ADCY1: variants seen among roughly 807,000 people sequenced by gnomAD.
ADCY1 encodes adenylate cyclase type 1.
ADCY1 carries 28 observed loss-of-function variants against 105.4 expected under a neutral mutation model. That is an observed-to-expected ratio of 0.27 (90% CI 0.20 to 0.36). The LOEUF (loss-of-function observed/expected upper bound fraction) is 0.36. Ranked by LOEUF, ADCY1 falls within the 10% of genes least tolerant of loss-of-function variation. The pLI is 1.00. For missense variants in ADCY1, 977 were observed against 1,434.2 expected (o/e 0.68, Z 5.15); for synonymous variants, 655 against 623.8 (o/e 1.05, Z -0.75).
At chr7:45,679,687 T>A (rs1289415657) in intron 10 of ADCY1, 22 bp from the exon 11 acceptor site, 1 of 1,613,816 alleles carries the variant, frequency 6.2e-7, no homozygotes, top group Non-Finnish European at 8.5e-7. Flanking sequence ...TATCAGTGAC[T>A]CTCATGTTTT....
At chr7:45,654,424 C>A (rs1472191375) in intron 5 of ADCY1, among the ~76,000 whole-genome samples, 1 of 152,204 alleles carries the variant, frequency 6.6e-6, no homozygotes, top group Non-Finnish European at 1.5e-5. Flanking sequence ...ATGTGCTTTT[C>A]CTCCCTGACC....
intron 2 of ADCY1, among the ~76,000 whole-genome samples, chr7:45,598,602 C>A (rs1793137204): frequency 6.6e-6 from 1 of 151,918 alleles, no homozygotes; most frequent in Non-Finnish European, 1.5e-5. Flanking sequence ...GACAAAATGG[C>A]CAAATTTCCA....
At chr7:45,623,484 T>C (rs1485721292) in intron 4 of ADCY1, among the ~76,000 whole-genome samples, 2 of 152,156 alleles carry the variant, frequency 1.3e-5, no homozygotes, top group African/African-American at 4.8e-5. Flanking sequence ...CAGAATGTGC[T>C]GTGTTTAGAG....
At chr7:45,698,287 C>G (rs1437735142) in intron 14 of ADCY1, among the ~76,000 whole-genome samples, 2 of 152,192 alleles carry the variant, frequency 1.3e-5, no homozygotes, top group African/African-American at 4.8e-5. Flanking sequence ...CTTATTCTCT[C>G]ATTTTCTAAT....
chr7:45,627,522 G>A (rs1461534217), intron 4 of ADCY1, among the ~76,000 whole-genome samples: 5 of 152,162 alleles, frequency 3.3e-5, no homozygotes, highest in African/African-American at 4.8e-5. Flanking sequence ...GGCTATCCCC[G>A]CCTGTTTAAG....
intron 4 of ADCY1, among the ~76,000 whole-genome samples, chr7:45,626,167 C>G (rs762281376): frequency 3.3e-5 from 5 of 152,200 alleles, no homozygotes; most frequent in African/African-American, 9.7e-5. Context: ...CAACTCTGCT[C>G]TTGGAGCACA....
Position 45,708,921 on chromosome 7 carries a change from T to C in ADCY1, c.2932+457T>C, listed in dbSNP as rs2248284. On this transcript the variant is annotated intron_variant, in intron 18 of 19. Coordinates refer to ENST00000297323, the MANE Select transcript of ADCY1 (RefSeq NM_021116.4). This position sits in a 1 kb window ranked among gnomAD's most constrained non-coding sequence, Gnocchi z 4.7. Reference sequence around the variant, plus strand: ...CCTGTGTCGTGAGGAGGAAAAACCATTGGATGCCCCAGTTCCTTTCTAGCT... The same window carrying C: ...CCTGTGTCGTGAGGAGGAAAAACCACTGGATGCCCCAGTTCCTTTCTAGCT... Among the ~76,000 whole-genome samples, 55,992 of 152,010 alleles carry C rather than the reference T, an allele frequency of 0.37. 12,037 individuals carry two copies. Among genetic ancestry groups the C allele is most frequent in the South Asian group, 0.64 (3,078 of 4,810 alleles).
At chr7:45,633,533 G>A (rs1177925169) in intron 4 of ADCY1, among the ~76,000 whole-genome samples, 1 of 152,168 alleles carries the variant, frequency 6.6e-6, no homozygotes, top group African/African-American at 2.4e-5. Context: ...GCCCGGCACG[G>A]TGGCTCATGC....
rs1173497805 is a variant in ADCY1 at position 45,574,854 on chromosome 7, C to T, written c.311C>T (p.Ala104Val). 2.5e-6 allele frequency: 4 copies of T among 1,611,418 alleles called. No individual in the cohort carries two copies. The highest frequency in any genetic ancestry group is 1.1e-5 in the South Asian group (1 of 91,054). The stretch of plus-strand genomic sequence containing the variant: ...CCGGTGCACTGCGTCCTCTTCCTGG[C>T]GCTGCTCGTGGTAACCAACGTCCGG... The part of the protein sequence containing the change: ...SHPVHCVLFL[A>V]LLVVTNVRSL... The change falls in exon 1 of 20, where the codon GCG becomes GTG. Residue 104 changes from alanine to valine, a missense_variant. Physicochemically the swap from Ala to Val is moderately conservative, Grantham distance 64. This residue lies in a region of ADCY1 where 209 missense variants were observed against 222.5 expected (regional missense o/e 0.94). Coordinates refer to ENST00000297323, the MANE Select transcript of ADCY1 (RefSeq NM_021116.4). This position sits in a 1 kb window ranked among gnomAD's most constrained non-coding sequence, Gnocchi z 7.0.
At chr7:45,674,261 T>C (rs1269035910) in intron 8 of ADCY1, among the ~76,000 whole-genome samples, 1 of 152,160 alleles carries the variant, frequency 6.6e-6, no homozygotes, top group Non-Finnish European at 1.5e-5. Flanking sequence ...CATGGAGTAT[T>C]TTATAAATGT....
chr7:45,651,528 A>G (rs545196652), intron 5 of ADCY1, among the ~76,000 whole-genome samples: 1 of 152,322 alleles, frequency 6.6e-6, no homozygotes, highest in African/African-American at 2.4e-5. Flanking sequence ...TCAGGTGAAC[A>G]GGTGAAGTGG....
At chr7:45,638,712 G>T (rs1794459106) in intron 4 of ADCY1, among the ~76,000 whole-genome samples, 1 of 151,550 alleles carries the variant, frequency 6.6e-6, no homozygotes, top group African/African-American at 2.4e-5. Context: ...CCTCAGATGT[G>T]CTCACGTTGT....
chr7:45,684,109 GTTC>G (rs2116204136), intron 11 of ADCY1, among the ~76,000 whole-genome samples: 1 of 152,384 alleles, frequency 6.6e-6, no homozygotes. Context: ...CAGAGCAGCG[GTTC>G]TTCTGAGATC....
intron 3 of ADCY1, among the ~76,000 whole-genome samples, chr7:45,616,050 A>G (rs1482294486): frequency 6.6e-6 from 1 of 152,208 alleles, no homozygotes; most frequent in African/African-American, 2.4e-5. Context: ...ATCATAAGAG[A>G]CTACTGTGAA....
intron 2 of ADCY1, among the ~76,000 whole-genome samples, chr7:45,600,779 G>C (rs1051614837): frequency 1.5e-4 from 23 of 152,166 alleles, no homozygotes; most frequent in African/African-American, 5.3e-4. Flanking sequence ...TCTTCTCCCT[G>C]TGTCCTCACA....
intron 2 of ADCY1, among the ~76,000 whole-genome samples, chr7:45,606,152 A>G (rs1793366764): frequency 6.6e-6 from 1 of 152,010 alleles, no homozygotes; most frequent in Admixed American, 6.6e-5. Context: ...GGGGAGGAGA[A>G]TGAGATCCCC....
At chr7:45,693,614 A>G (rs1562726890) in intron 14 of ADCY1, among the ~76,000 whole-genome samples, 1 of 151,758 alleles carries the variant, frequency 6.6e-6, no homozygotes, top group Non-Finnish European at 1.5e-5. Context: ...TTTCTAGTTT[A>G]TTTGTGTAGA....
At chr7:45,586,692 C>T (rs1584249271) in intron 1 of ADCY1, among the ~76,000 whole-genome samples, 1 of 152,202 alleles carries the variant, frequency 6.6e-6, no homozygotes, top group East Asian at 1.9e-4. Context: ...CTGGTGAGCA[C>T]CATGGAGGGA....
chr7:45,665,717 C>T (rs1784231426), intron 8 of ADCY1, among the ~76,000 whole-genome samples: 1 of 152,180 alleles, frequency 6.6e-6, no homozygotes, highest in Non-Finnish European at 1.5e-5. Flanking sequence ...CACACCTTTT[C>T]ACTAGGTGAC....
Sources: gnomAD v4.1 joint callset for allele counts (sites outside exome capture counted in the v4.1 genomes callset) on GRCh38, gnomAD v4.1.1 for gene constraint, gnomAD v4.1.1 regional missense constraint, Gnocchi (gnomAD v3.1) non-coding constraint, MANE v1.5 for transcripts, NCBI Gene and HGNC (gene_info 2026-07-23, HGNC 2026-07-21) for gene names.